TARM1: variants seen among roughly 807,000 people sequenced by gnomAD.
The protein encoded by TARM1 is T-cell-interacting, activating receptor on myeloid cells protein 1.
TARM1 carries 24 observed loss-of-function variants against 30.4 expected under a neutral mutation model. That is an observed-to-expected ratio of 0.79 (90% CI 0.57 to 1.11). The LOEUF is 1.11. Among genes scored for constraint, TARM1 ranks in the 50% least tolerant of loss-of-function variants. The pLI, the probability that TARM1 is intolerant of heterozygous loss-of-function variation, is 0.00. For missense variants in TARM1, 323 were observed against 332.8 expected (o/e 0.97, Z 0.23); for synonymous variants, 129 against 138.9 (o/e 0.93, Z 0.50).
rs745643672 is a variant in TARM1, at chr19:54,073,407, CAAAAAAAAAAAAA to C, written c.658+500_658+512del. Among the ~76,000 whole-genome samples the C allele has an allele frequency of 7.6e-5, 5 of 66,082 alleles. No homozygotes were observed. The Admixed American group carries it at 1.0e-3, about 14-fold the overall frequency. 43.4% of individuals were successfully genotyped at this position (66,082 alleles called of 152,430 possible). On this transcript the variant is annotated intron_variant, in intron 4 of 4. Transcript: ENST00000432826. ...CTGGCAACAGAGTGAGACTCCATTT[CAAAAAAAAAAAAA>C]AAAAAAAAAAAGGCAAAGGAGTGGA...
chr19:54,077,739 GTTT>G (rs1185350896), intron 1 of TARM1, among the ~76,000 whole-genome samples: 1 of 117,632 alleles, frequency 8.5e-6, no homozygotes, highest in African/African-American at 3.1e-5. Context: ...CTTTTTCTTC[GTTT>G]TTTTTTTTTT....
rs1298925458 is a variant in TARM1 at position 54,070,110 on chromosome 19, G to C, written c.709C>G (p.Leu237Val). The change falls in exon 5 of 5, where the codon CTG becomes GTG. Residue 237 changes from leucine (L) to valine (V), a missense_variant. By Grantham distance (32) the Leu-to-Val change is conservative (BLOSUM62 1). Transcript: ENST00000432826. Reference protein sequence around the residue: ...SNYSLGNFVRLGLAAVIVVIM... With the variant: ...SNYSLGNFVRVGLAAVIVVIM... ...ACCACAATTACGGCAGCCAGACCCA[G>C]TCGTACGAAGTTACCCAGGGAGTAG... is the stretch of plus-strand genomic sequence containing the variant. 2.6e-6 allele frequency: 4 copies of C among 1,551,666 alleles called. No homozygotes were observed. The highest frequency in any genetic ancestry group is 2.0e-5 in the Admixed American group (1 of 50,980).
intron 1 of TARM1, 164 bp from the exon 2 acceptor site, chr19:54,076,082 C>G (rs146722980): frequency 1.4e-6 from 2 of 1,449,188 alleles, no homozygotes; most frequent in African/African-American, 2.8e-5. Flanking sequence ...GGCTTCTGCT[C>G]GACTTCCAGC....
intron 1 of TARM1, among the ~76,000 whole-genome samples, chr19:54,081,027 T>G (rs1319526385): frequency 6.6e-6 from 1 of 152,052 alleles, no homozygotes; most frequent in Admixed American, 6.6e-5. Context: ...ATACTTTTAC[T>G]TACACACAAA....
intron 1 of TARM1, among the ~76,000 whole-genome samples, chr19:54,080,156 C>A (rs757578613): frequency 0.91 from 63,345 of 69,732 alleles, 29,274 homozygotes; most frequent in East Asian, 0.99. Flanking sequence ...AGCAAGCAAG[C>A]AAGCAAGCAA....
At position 54,074,867 on chromosome 19, in the gene TARM1, G is replaced by A; in HGVS notation, c.318C>T (p.His106=). 1.3e-6 allele frequency: 2 copies of A among 1,551,628 alleles called. No homozygotes were observed. The highest frequency in any genetic ancestry group is 8.7e-7 in the Non-Finnish European group (1 of 1,146,976). ...TCEYYRKASP[H]ILSQHSDVLL... ...GGACGTCACTGTGCTGTGAAAGGAT[G>A]TGGGGGGATGCTTTTCTGTAGTATT... is the stretch of plus-strand genomic sequence containing the variant. Residue 106 remains histidine (H), a synonymous_variant, in exon 3 of 5, where the codon CAC becomes CAT. Transcript: ENST00000432826.
intron 4 of TARM1, 148 bp from the exon 5 acceptor site, chr19:54,070,308 G>C (rs2071780418): frequency 7.9e-7 from 1 of 1,267,016 alleles, no homozygotes; most frequent in South Asian, 1.6e-5. Context: ...TTGTTGACCA[G>C]GCTGGAGTGC....
At chr19:54,076,040 C>T in intron 1 of TARM1, 122 bp from the exon 2 acceptor site, 1 of 1,434,640 alleles carries the variant, frequency 7.0e-7, no homozygotes. Context: ...GTCATACGCT[C>T]AGGAGTTCTC....
chr19:54,069,953 A>T lies in TARM1; in HGVS notation c.*50T>A. 7.1e-7 allele frequency: 1 copy of T among 1,413,198 alleles called. No individual in the cohort carries two copies. Among genetic ancestry groups the T allele is most frequent in the Non-Finnish European group, 9.7e-7 (1 of 1,029,810 alleles). 87.5% of individuals were successfully genotyped at this position (1,413,198 alleles called of 1,614,324 possible). A position where few individuals can be genotyped will look rare whatever the true frequency, so the allele number is the denominator to read the frequency against. ...GAAAGCCTCAACCCCCTGGGAATGC[A>T]GTCCAGCAGGTTGCAGCCTCAGTTT... On this transcript the variant is annotated 3_prime_UTR_variant, in exon 5 of 5. Coordinates refer to ENST00000432826, the MANE Select transcript of TARM1 (RefSeq NM_001135686.3).
intron 1 of TARM1, among the ~76,000 whole-genome samples, chr19:54,077,904 T>C (rs1278352512): frequency 1.3e-5 from 2 of 151,814 alleles, no homozygotes; most frequent in African/African-American, 4.8e-5. Flanking sequence ...AACCTCCGCC[T>C]TGCAGGTTCA....
chr19:54,076,353 T>C, intron 1 of TARM1: 1 of 814,208 alleles, frequency 1.2e-6, no homozygotes, highest in Non-Finnish European at 1.9e-6. Flanking sequence ...TTTCTTTCAT[T>C]CATTCTTTCT....
intron 1 of TARM1, among the ~76,000 whole-genome samples, chr19:54,076,946 G>T (rs1448240838): frequency 6.6e-6 from 1 of 152,084 alleles, no homozygotes; most frequent in Non-Finnish European, 1.5e-5. Context: ...TTATTGTTTG[G>T]TGTCCTGTAA....
rs1216786161 is a variant in TARM1, at chr19:54,070,008, C to G, written c.811G>C (p.Glu271Gln). 1 of 1,551,166 alleles carries G rather than the reference C, an allele frequency of 6.4e-7. No individual in the cohort carries two copies. The highest frequency in any genetic ancestry group is 1.2e-5 in the South Asian group (1 of 84,028). The change falls in exon 5 of 5, where the codon GAG (glutamate) becomes CAG (glutamine). Residue 271 changes from glutamate (E) to glutamine (Q), a missense_variant. Coordinates refer to ENST00000432826, the MANE Select transcript of TARM1 (RefSeq NM_001135686.3). Reference protein sequence around the residue: ...SPGESEAFKPE With the variant: ...SPGESEAFKPQ ...AGCCCCGGTTCAAGATGGAGTCACTCTGGTTTGAAGGCCTCTGATTCACCT... is the reference window on the plus strand; with the variant it reads ...AGCCCCGGTTCAAGATGGAGTCACTGTGGTTTGAAGGCCTCTGATTCACCT...
intron 1 of TARM1, among the ~76,000 whole-genome samples, chr19:54,080,117 AAGGAAGGAAGG>A (rs2072069218): frequency 2.8e-4 from 10 of 36,336 alleles, no homozygotes; most frequent in Non-Finnish European, 4.3e-4. Context: ...GGAAGGAAGG[AAGGAAGGAAGG>A]AAGGAAGGAA....
intron 1 of TARM1, among the ~76,000 whole-genome samples, chr19:54,080,143 GCAAGC>G (rs2072078136): frequency 1.2e-5 from 1 of 84,756 alleles, no homozygotes; most frequent in Non-Finnish European, 2.5e-5. Flanking sequence ...AAGGAAGAAA[GCAAGC>G]AAGCAAGCAA....
chr19:54,076,505 G>A (rs1181872612), intron 1 of TARM1: 2 of 372,346 alleles, frequency 5.4e-6, no homozygotes, highest in Non-Finnish European at 9.7e-6. Flanking sequence ...TGGGATCACA[G>A]GCATGCGCCA....
Position 54,078,750 on chromosome 19 carries a change from G to A in TARM1, c.34+2557C>T, listed in dbSNP as rs587736803. Among the ~76,000 whole-genome samples the A allele has an allele frequency of 7.7e-4, 117 of 152,024 alleles. No homozygotes were observed. In the Middle Eastern group the frequency reaches 0.01, roughly 13 times the overall value. On this transcript the variant is annotated intron_variant, in intron 1 of 4. Transcript: ENST00000432826. ...ACTCCTGGGCTCAAGCGATCTGCCTGCCTCAGACTCTCAAAGTGCTGGGAT... is the reference window on the plus strand; with the variant it reads ...ACTCCTGGGCTCAAGCGATCTGCCTACCTCAGACTCTCAAAGTGCTGGGAT...
At chr19:54,077,804 G>A (rs1418809990) in intron 1 of TARM1, among the ~76,000 whole-genome samples, 15 of 147,634 alleles carry the variant, frequency 1.0e-4, no homozygotes, top group Non-Finnish European at 1.6e-4. Flanking sequence ...GTGCAATGGC[G>A]CGATCTCGGC....
intron 4 of TARM1, among the ~76,000 whole-genome samples, chr19:54,072,272 C>G (rs769293382): frequency 6.6e-6 from 1 of 152,134 alleles, no homozygotes; most frequent in African/African-American, 2.4e-5. Flanking sequence ...ATTCCTCTGT[C>G]TTGATGAATG....
Sources: allele counts gnomAD v4.1 joint callset (sites outside exome capture counted in the v4.1 genomes callset), GRCh38; gene constraint gnomAD v4.1.1; transcripts MANE v1.5; gene names NCBI Gene and HGNC (gene_info 2026-07-23, HGNC 2026-07-21).